The following RBFOX2 variants were observed in gnomAD, a reference collection of about 807,000 sequenced individuals.
RBFOX2 encodes the protein RNA binding fox-1 homolog 2, also known as RNA binding protein fox-1 homolog 2.
Under a neutral mutation model 49.1 loss-of-function variants are expected in RBFOX2, and 10 were observed. The observed-to-expected ratio is 0.20, with a 90% CI of 0.13 to 0.35. RBFOX2 has a LOEUF of 0.35. Among genes scored for constraint, RBFOX2 ranks in the 10% least tolerant of loss-of-function variants. The pLI is 1.00. For missense variants in RBFOX2, 323 were observed against 486.9 expected, an observed-to-expected ratio of 0.66 and a Z score of 3.17; for synonymous variants, 183 against 187.4, an observed-to-expected ratio of 0.98 and a Z score of 0.19.
intron 1 of RBFOX2, among the ~76,000 whole-genome samples, chr22:35,969,821 G>T (rs375993961): frequency 3.1e-4 from 47 of 152,320 alleles, no homozygotes; most frequent in African/African-American, 1.1e-3. Flanking sequence ...ATATAACTCA[G>T]AATGTGGAAG....
chr22:36,019,903 G>C (rs2059176422), intron 1 of RBFOX2, among the ~76,000 whole-genome samples: 1 of 152,024 alleles, frequency 6.6e-6, no homozygotes, highest in Non-Finnish European at 1.5e-5. Flanking sequence ...CTACTTTGAA[G>C]TTCATATAGA....
At chr22:35,740,018 C>T (rs1929061665) in exon 12 of RBFOX2, 1 of 152,726 alleles carries the variant, frequency 6.5e-6, no homozygotes, top group African/African-American at 2.4e-5. Flanking sequence ...CTACAGCCAA[C>T]TGCAATACTT....
intron 1 of RBFOX2, among the ~76,000 whole-genome samples, chr22:35,909,110 G>A (rs963102640): frequency 1.3e-4 from 20 of 152,164 alleles, no homozygotes; most frequent in African/African-American, 4.6e-4. Context: ...CCGAAGTGCT[G>A]GAATTACAGG....
intron 1 of RBFOX2, among the ~76,000 whole-genome samples, chr22:36,007,599 A>C (rs558260191): frequency 1.3e-4 from 20 of 152,302 alleles, no homozygotes; most frequent in African/African-American, 4.8e-4. Flanking sequence ...ACAATTAACA[A>C]ATTTTGTTGG....
intron 1 of RBFOX2, among the ~76,000 whole-genome samples, chr22:35,954,182 G>A (rs965709000): frequency 6.6e-6 from 1 of 151,668 alleles, no homozygotes; most frequent in Non-Finnish European, 1.5e-5. Flanking sequence ...GGGGGGAGGA[G>A]GTTTCTTATC....
intron 2 of RBFOX2, among the ~76,000 whole-genome samples, chr22:35,791,597 GA>G (rs1395884971): frequency 6.6e-6 from 1 of 152,006 alleles, no homozygotes; most frequent in Admixed American, 6.6e-5. Context: ...GTTTGATGAA[GA>G]AAAAAACCCA....
chr22:35,886,537 C>T (rs529401323), intron 1 of RBFOX2, among the ~76,000 whole-genome samples: 1 of 152,258 alleles, frequency 6.6e-6, no homozygotes, highest in African/African-American at 2.4e-5. Context: ...GATGGCCTAG[C>T]CTACTACACA....
chr22:35,965,012 A>T (rs768251911), upstream of RBFOX2, among the ~76,000 whole-genome samples: 1 of 152,216 alleles, frequency 6.6e-6, no homozygotes. Flanking sequence ...ACCACACACC[A>T]GTCGATAATC....
At chr22:36,022,376 G>GA (rs927149790) in intron 1 of RBFOX2, among the ~76,000 whole-genome samples, 3 of 150,508 alleles carry the variant, frequency 2.0e-5, no homozygotes, top group Admixed American at 6.6e-5. Flanking sequence ...GCGTGATAGT[G>GA]AAAAAAAAAT....
intron 1 of RBFOX2, among the ~76,000 whole-genome samples, chr22:35,976,085 A>G (rs898026904): frequency 6.6e-6 from 1 of 152,182 alleles, no homozygotes; most frequent in Non-Finnish European, 1.5e-5. Context: ...TTCATGACGC[A>G]TATAATCTTC....
chr22:35,893,557 G>C (rs2149388325), intron 1 of RBFOX2, among the ~76,000 whole-genome samples: 1 of 152,248 alleles, frequency 6.6e-6, no homozygotes, highest in South Asian at 2.1e-4. Flanking sequence ...CAGATGACTA[G>C]TTTACAGGGA....
chr22:35,774,845 G>A (rs561630349), intron 4 of RBFOX2, among the ~76,000 whole-genome samples: 1 of 152,214 alleles, frequency 6.6e-6, no homozygotes, highest in Admixed American at 6.5e-5. Context: ...AATAAGATAT[G>A]GTATGGAGTT....
chr22:35,860,936 T>C (rs150309338), intron 1 of RBFOX2, among the ~76,000 whole-genome samples: 1 of 152,242 alleles, frequency 6.6e-6, no homozygotes, highest in African/African-American at 2.4e-5. Flanking sequence ...GTAACACTTA[T>C]CATTTCTTCT....
intron 1 of RBFOX2, among the ~76,000 whole-genome samples, chr22:35,896,181 T>A (rs2047820409): frequency 6.6e-6 from 1 of 152,154 alleles, no homozygotes; most frequent in Non-Finnish European, 1.5e-5. Context: ...GTGGGCTACT[T>A]CTCCAAGTAT....
At chr22:35,778,061 T>C in exon 4 of RBFOX2, 1 of 1,613,340 alleles carries the variant, frequency 6.2e-7, no homozygotes, top group Non-Finnish European at 8.5e-7. Flanking sequence ...TTTCTACATC[T>C]AGGATTTTGC....
intron 1 of RBFOX2, among the ~76,000 whole-genome samples, chr22:35,905,809 C>T (rs2049060056): frequency 6.6e-6 from 1 of 151,946 alleles, no homozygotes; most frequent in African/African-American, 2.4e-5. Context: ...CACTGCATAG[C>T]AATGTTTCAG....
intron 1 of RBFOX2, among the ~76,000 whole-genome samples, chr22:36,011,988 C>T (rs1294489026): frequency 6.6e-6 from 1 of 152,124 alleles, no homozygotes; most frequent in Non-Finnish European, 1.5e-5. Flanking sequence ...TTTCTAGATG[C>T]CTTCAGCTCT....
At chr22:35,873,001 AAATC>A (rs2044560351) in intron 1 of RBFOX2, among the ~76,000 whole-genome samples, 1 of 152,158 alleles carries the variant, frequency 6.6e-6, no homozygotes, top group African/African-American at 2.4e-5. Context: ...CGGCATTCAA[AAATC>A]AGTAGCTGAT....
At chr22:35,797,393 AC>A (rs1377098925) in intron 2 of RBFOX2, among the ~76,000 whole-genome samples, 2 of 152,356 alleles carry the variant, frequency 1.3e-5, no homozygotes, top group African/African-American at 4.8e-5. Flanking sequence ...TTTCCTTGAA[AC>A]AATGAAAATA....
Sources: gnomAD v4.1 joint callset for allele counts (sites outside exome capture counted in the v4.1 genomes callset) on GRCh38, gnomAD v4.1.1 for gene constraint, MANE v1.5 for transcripts, NCBI Gene and HGNC (gene_info 2026-07-23, HGNC 2026-07-21) for gene names.